Variants in KIAA1958 observed in about 807,000 individuals in gnomAD.
KIAA1958 encodes KIAA1958, also known as uncharacterized protein KIAA1958.
KIAA1958 carries 14 observed loss-of-function variants against 47.2 expected under a neutral mutation model. The ratio of observed to expected loss-of-function variants is 0.30; its 90% confidence interval spans 0.20 to 0.46. The LOEUF (loss-of-function observed/expected upper bound fraction) is 0.46. KIAA1958 is among the 20% of genes least tolerant of loss of function. The probability of loss-of-function intolerance (pLI) is 1.00; values close to 1 mark genes in which losing one functional copy is unlikely to be tolerated. For synonymous variants in KIAA1958, 354 were observed against 353.3 expected (o/e 1.00, Z -0.02); for missense variants, 803 against 909.2 (o/e 0.88, Z 1.50).
At chr9:112,573,065 G>C (rs1009120246) in intron 1 of KIAA1958, among the ~76,000 whole-genome samples, 4 of 152,058 alleles carry the variant, frequency 2.6e-5, no homozygotes, top group African/African-American at 9.7e-5. Context: ...CCCCCTCTTG[G>C]CAGAGCCTTA....
At chr9:112,563,706 C>G (rs1216804337) in intron 1 of KIAA1958, among the ~76,000 whole-genome samples, 2 of 151,738 alleles carry the variant, frequency 1.3e-5, no homozygotes, top group African/African-American at 2.4e-5. Context: ...ATTTTTCTGC[C>G]TTTTCTCCTC....
chr9:112,576,599 A>G (rs1166704446), intron 2 of KIAA1958, among the ~76,000 whole-genome samples: 1 of 152,190 alleles, frequency 6.6e-6, no homozygotes, highest in East Asian at 1.9e-4. Flanking sequence ...ATGGAATCAT[A>G]TATTATGTGG....
At chr9:112,517,375 T>C (rs1360237247) in intron 1 of KIAA1958, among the ~76,000 whole-genome samples, 1 of 152,210 alleles carries the variant, frequency 6.6e-6, no homozygotes, top group Non-Finnish European at 1.5e-5. Context: ...TTGAAAAATT[T>C]TTTTTCAATA....
At chr9:112,592,659 G>T (rs1044147541) in intron 2 of KIAA1958, among the ~76,000 whole-genome samples, 3 of 152,218 alleles carry the variant, frequency 2.0e-5, no homozygotes, top group Non-Finnish European at 2.9e-5. Context: ...GATGGGAATT[G>T]TAGTTTTTAT....
rs1407749606 is a variant in KIAA1958 at position 112,618,494 on chromosome 9, G to C, written c.1172-27156G>C. The C allele has an allele frequency of 2.6e-6, 4 of 1,550,722 alleles. No homozygotes were observed. The highest frequency in any genetic ancestry group is 2.4e-5 in the East Asian group (1 of 40,916). ...AGACTTGAATGCCAAAACCAAGAGA[G>C]GGGGGACAGACTCCCGTGTGTATGC... On this transcript the variant is annotated intron_variant, in intron 2 of 3. Coordinates refer to ENST00000337530, the MANE Select transcript of KIAA1958 (RefSeq NM_133465.4). This position sits in a 1 kb window ranked among gnomAD's most constrained non-coding sequence, Gnocchi z 7.1.
At chr9:112,623,961 G>C (rs556498725) in intron 2 of KIAA1958, among the ~76,000 whole-genome samples, 1 of 152,188 alleles carries the variant, frequency 6.6e-6, no homozygotes, top group African/African-American at 2.4e-5. Flanking sequence ...GCCCTCTTCT[G>C]ACTGATTTTC....
In KIAA1958 at chr9:112,618,688, G is replaced by A. The variant is rs1031564233; in HGVS notation, c.1172-26962G>A. 2.6e-6 allele frequency: 4 copies of A among 1,550,574 alleles called. No homozygotes were observed. Among genetic ancestry groups the A allele is most frequent in the South Asian group, 1.2e-5 (1 of 84,072 alleles). ...ACTGCCAGGCCCTTGGCAAGAACAA[G>A]CTGGCCAAGATGGTGAAGACCATGT... On this transcript the variant is annotated intron_variant, in intron 2 of 3. Coordinates refer to ENST00000337530, the MANE Select transcript of KIAA1958 (RefSeq NM_133465.4). This position sits in a 1 kb window ranked among gnomAD's most constrained non-coding sequence, Gnocchi z 7.1.
At chr9:112,634,456 C>T (rs999449264) in intron 2 of KIAA1958, among the ~76,000 whole-genome samples, 3 of 152,140 alleles carry the variant, frequency 2.0e-5, no homozygotes, top group African/African-American at 4.8e-5. Context: ...GTCTTGAACT[C>T]CTGACCTCAA....
chr9:112,552,382 C>G (rs1046488370), intron 1 of KIAA1958, among the ~76,000 whole-genome samples: 1 of 152,142 alleles, frequency 6.6e-6, no homozygotes, highest in Non-Finnish European at 1.5e-5. Flanking sequence ...GCTCAGTCAG[C>G]TTACACCGTG....
At chr9:112,622,262 T>C (rs2131220542) in intron 2 of KIAA1958, among the ~76,000 whole-genome samples, 1 of 152,364 alleles carries the variant, frequency 6.6e-6, no homozygotes, top group East Asian at 1.9e-4. Context: ...CAGGCAATCC[T>C]GTGGCTCAAA....
At chr9:112,647,065 G>A (rs1836987742) in intron 3 of KIAA1958, among the ~76,000 whole-genome samples, 1 of 152,068 alleles carries the variant, frequency 6.6e-6, no homozygotes, top group African/African-American at 2.4e-5. Flanking sequence ...AACAACAGAT[G>A]AAATAGGACA....
chr9:112,595,199 A>G (rs1251845881), intron 2 of KIAA1958, among the ~76,000 whole-genome samples: 1 of 152,236 alleles, frequency 6.6e-6, no homozygotes, highest in African/African-American at 2.4e-5. Flanking sequence ...AACTGTGACA[A>G]TAATAGAAAA....
At chr9:112,554,853 C>T (rs62568602) in intron 1 of KIAA1958, among the ~76,000 whole-genome samples, 1 of 152,076 alleles carries the variant, frequency 6.6e-6, no homozygotes, top group Non-Finnish European at 1.5e-5. Context: ...TTTGGAGCCA[C>T]TGTTACAGTG....
chr9:112,572,577 T>C (rs912019633), intron 1 of KIAA1958, among the ~76,000 whole-genome samples: 8 of 152,098 alleles, frequency 5.3e-5, no homozygotes, highest in African/African-American at 1.4e-4. Flanking sequence ...GGAAGCTAAA[T>C]AAATCTCTGA....
intron 1 of KIAA1958, among the ~76,000 whole-genome samples, chr9:112,522,781 A>G (rs1402469861): frequency 1.3e-5 from 2 of 152,188 alleles, no homozygotes; most frequent in Non-Finnish European, 2.9e-5. Context: ...TGAATGTTCT[A>G]AAGTCCTAGT....
At chr9:112,530,462 GA>G (rs958444220) in intron 1 of KIAA1958, among the ~76,000 whole-genome samples, 10 of 152,062 alleles carry the variant, frequency 6.6e-5, no homozygotes, top group African/African-American at 2.4e-4. Flanking sequence ...ATTTTCTACA[GA>G]ATTTGAAAAT....
rs553588729 is a variant in KIAA1958 at position 112,617,571 on chromosome 9, C to T, written c.1172-28079C>T. Among the ~76,000 whole-genome samples, 17 of 152,286 alleles carry T rather than the reference C, an allele frequency of 1.1e-4. 1 individual carries two copies. The South Asian group carries it at 1.5e-3, about 13-fold the overall frequency. On this transcript the variant is annotated intron_variant, in intron 2 of 3. Transcript: ENST00000337530. ...TTTCTGTCCCACATTTTTCCTAAAA[C>T]GAAGGCTGTCTCTAATCTCTCTCTT...
At chr9:112,535,696 GT>G (rs1274326512) in intron 1 of KIAA1958, among the ~76,000 whole-genome samples, 1 of 151,962 alleles carries the variant, frequency 6.6e-6, no homozygotes, top group Non-Finnish European at 1.5e-5. Context: ...CACTAACAGT[GT>G]ACAAGGGTTC....
At chr9:112,555,291 G>A (rs990428174) in intron 1 of KIAA1958, among the ~76,000 whole-genome samples, 1 of 152,146 alleles carries the variant, frequency 6.6e-6, no homozygotes, top group Non-Finnish European at 1.5e-5. Flanking sequence ...AAGAGTGAGT[G>A]TCATTTATAG....
Sources: gnomAD v4.1 joint callset for allele counts (sites outside exome capture counted in the v4.1 genomes callset) on GRCh38, gnomAD v4.1.1 for gene constraint, Gnocchi (gnomAD v3.1) non-coding constraint, MANE v1.5 for transcripts, NCBI Gene and HGNC (gene_info 2026-07-23, HGNC 2026-07-21) for gene names.